Variants in ANGPT2 observed in about 807,000 individuals in gnomAD.
The protein encoded by ANGPT2 is angiopoietin 2.
ANGPT2 carries 28 observed loss-of-function variants against 62.9 expected under a neutral mutation model. That is an observed-to-expected ratio of 0.44 (90% CI 0.33 to 0.61). The LOEUF is 0.61. Ranked by LOEUF, ANGPT2 falls within the 20% of genes least tolerant of loss-of-function variation. The probability of loss-of-function intolerance (pLI) is 0.03; values close to 1 mark genes in which losing one functional copy is unlikely to be tolerated. For missense variants in ANGPT2, 727 were observed against 594.9 expected, an observed-to-expected ratio of 1.22 and a Z score of -2.31; for synonymous variants, 284 against 207.8, an observed-to-expected ratio of 1.37 and a Z score of -3.15.
At chr8:6,554,754 A>G (rs1313786439) in intron 1 of ANGPT2, among the ~76,000 whole-genome samples, 1 of 152,146 alleles carries the variant, frequency 6.6e-6, no homozygotes, top group African/African-American at 2.4e-5. Context: ...GAGCCCTCGG[A>G]GGGAGCGGGA....
At chr8:6,537,380 T>G (rs1586467730) in intron 1 of ANGPT2, among the ~76,000 whole-genome samples, 1 of 152,010 alleles carries the variant, frequency 6.6e-6, no homozygotes, top group South Asian at 2.1e-4. Flanking sequence ...AGAACTCAAG[T>G]GAGTTATGCA....
At chr8:6,509,848 G>A (rs1218205874) in intron 7 of ANGPT2, among the ~76,000 whole-genome samples, 7 of 152,156 alleles carry the variant, frequency 4.6e-5, no homozygotes, top group South Asian at 2.1e-4. Context: ...TTGGCAACAC[G>A]GTGCACGCAG....
rs754213622 is a variant in ANGPT2, at chr8:6,503,081, C to G, written c.*20G>C. The G allele has an allele frequency of 6.2e-7, 1 of 1,613,760 alleles. No individual in the cohort carries two copies. Among genetic ancestry groups the G allele is most frequent in the Non-Finnish European group, 8.5e-7 (1 of 1,179,894 alleles). ...TCTTTGAAAATAGTTCGAGACAGTTCCTCAGGTGGACTGGGATGTTTAGAA... is the reference window on the plus strand; with the variant it reads ...TCTTTGAAAATAGTTCGAGACAGTTGCTCAGGTGGACTGGGATGTTTAGAA... On this transcript the variant is annotated 3_prime_UTR_variant, in exon 9 of 9. Transcript: ENST00000629816.
chr8:6,562,519 C>G, intron 1 of ANGPT2, 128 bp downstream of exon 1: 3 of 811,942 alleles, frequency 3.7e-6, no homozygotes, highest in South Asian at 6.5e-5. Context: ...ACCAGCAACC[C>G]GCTCTCCAGC....
chr8:6,538,337 C>G lies in ANGPT2; in HGVS notation c.289-5850G>C, dbSNP rs73507128. The stretch of plus-strand genomic sequence containing the variant: ...ATCTTCCCGCCCAGGGTCCACTGTC[C>G]TCTCTGTCTCTTGCTGGCCACGCAT... On this transcript the variant is annotated intron_variant, in intron 1 of 8. Transcript: ENST00000629816. Among the ~76,000 whole-genome samples, 428 of 152,324 alleles carry G rather than the reference C, an allele frequency of 2.8e-3. 2 individuals carry two copies. The highest frequency in any genetic ancestry group is 9.8e-3 in the African/African-American group (408 of 41,572).
At position 6,528,852 on chromosome 8, in the gene ANGPT2, C is replaced by T. The variant is rs193293890; in HGVS notation, c.445-1176G>A. ...CCACAGCGTGGGTTTCAGGGATGGT[C>T]TTATCCTTAGAGCTGGTTTAGTTCT... On this transcript the variant is annotated intron_variant, in intron 2 of 8. Coordinates refer to ENST00000629816, the MANE Select transcript of ANGPT2 (RefSeq NM_001118887.2). 3.9e-5 allele frequency among the ~76,000 whole-genome samples: 6 copies of T among 152,348 alleles called. No homozygotes were observed. In the East Asian group the frequency reaches 1.2e-3, roughly 29 times the overall value.
intron 1 of ANGPT2, among the ~76,000 whole-genome samples, chr8:6,556,406 T>G (rs1824613106): frequency 6.6e-6 from 1 of 152,148 alleles, no homozygotes; most frequent in African/African-American, 2.4e-5. Flanking sequence ...TGATTTTCCT[T>G]TTATAAAAGG....
At chr8:6,514,057 G>C (rs563867876) in intron 6 of ANGPT2, among the ~76,000 whole-genome samples, 3 of 152,128 alleles carry the variant, frequency 2.0e-5, no homozygotes, top group Admixed American at 2.0e-4. Context: ...ACTTGTATTA[G>C]GATAATGAGA....
chr8:6,535,416 TA>T (rs1462958787), intron 1 of ANGPT2, among the ~76,000 whole-genome samples: 1 of 152,182 alleles, frequency 6.6e-6, no homozygotes, highest in South Asian at 2.1e-4. Flanking sequence ...TTTCTAAACA[TA>T]AAAACAATAG....
In ANGPT2 at chr8:6,508,913, G is replaced by C; in HGVS notation, c.1327+19C>G. The C allele has an allele frequency of 6.2e-7, 1 of 1,613,918 alleles. No individual in the cohort carries two copies. Among genetic ancestry groups the C allele is most frequent in the Non-Finnish European group, 8.5e-7 (1 of 1,179,964 alleles). Reference sequence around the variant, plus strand: ...CATTCCTTGCCAATACAAATAGGAAGACAGAAAGTCATCCCTACCTCCTGT... The same window carrying C: ...CATTCCTTGCCAATACAAATAGGAACACAGAAAGTCATCCCTACCTCCTGT... On this transcript the variant is annotated intron_variant, in intron 8 of 8. Coordinates refer to ENST00000629816, the MANE Select transcript of ANGPT2 (RefSeq NM_001118887.2).
chr8:6,511,587 C>A (rs1033800257), intron 7 of ANGPT2, among the ~76,000 whole-genome samples: 1 of 152,162 alleles, frequency 6.6e-6, no homozygotes, highest in Non-Finnish European at 1.5e-5. Context: ...ATACAACTGG[C>A]GTCTCAAAGC....
rs1825749781 is a variant in ANGPT2 at position 6,562,729 on chromosome 8, G to A, written c.206C>T (p.Ala69Val). 1.9e-6 allele frequency: 3 copies of A among 1,613,506 alleles called. No individual in the cohort carries two copies. Among genetic ancestry groups the A allele is most frequent in the Non-Finnish European group, 2.5e-6 (3 of 1,179,914 alleles). Residue 69 changes from alanine (A) to valine (V), a missense_variant, in exon 1 of 9, where the codon GCG becomes GTG. Ala to Val is a moderately conservative substitution (Grantham distance 64). Coordinates refer to ENST00000629816, the MANE Select transcript of ANGPT2 (RefSeq NM_001118887.2). ...PYVSNAVQRD[A>V]PLEYDDSVQR... is the part of the protein sequence containing the mutation. ...CACCGAGTCATCGTATTCGAGCGGC[G>A]CGTCCCTCTGCACAGCATTGGACAC...
At chr8:6,528,911 T>A (rs1282333928) in intron 2 of ANGPT2, among the ~76,000 whole-genome samples, 1 of 152,246 alleles carries the variant, frequency 6.6e-6, no homozygotes, top group Non-Finnish European at 1.5e-5. Context: ...AATAAAGTCC[T>A]TGGCCAACGT....
At chr8:6,521,735 G>C (rs1817379310) in intron 3 of ANGPT2, among the ~76,000 whole-genome samples, 1 of 152,218 alleles carries the variant, frequency 6.6e-6, no homozygotes. Flanking sequence ...GAAGAAAGGT[G>C]CTGCTCTTTC....
chr8:6,552,417 T>A (rs998895932), intron 1 of ANGPT2, among the ~76,000 whole-genome samples: 4 of 152,218 alleles, frequency 2.6e-5, no homozygotes, highest in African/African-American at 9.6e-5. Flanking sequence ...ACACTTACGA[T>A]GGTCCTTTTC....
chr8:6,514,919 G>A (rs1220074007), intron 5 of ANGPT2, 141 bp from the exon 6 acceptor site: 9 of 630,250 alleles, frequency 1.4e-5, no homozygotes, highest in African/African-American at 7.2e-5. Context: ...GTAGACCATC[G>A]GGGTTGTCTA....
At chr8:6,530,069 A>G (rs1016297865) in intron 2 of ANGPT2, among the ~76,000 whole-genome samples, 1 of 152,138 alleles carries the variant, frequency 6.6e-6, no homozygotes, top group African/African-American at 2.4e-5. Context: ...ATTTTAAAAT[A>G]TAAGAAATGT....
Position 6,517,877 on chromosome 8 carries a change from A to G in ANGPT2, c.927+1987T>C, listed in dbSNP as rs183113402. On this transcript the variant is annotated intron_variant, in intron 5 of 8. Coordinates refer to ENST00000629816, the MANE Select transcript of ANGPT2 (RefSeq NM_001118887.2). ...TAAGTCTGGAAGGGAATTTAGAAGT[A>G]ACAATTGACACCACTTATTTTTCAA... Among the ~76,000 whole-genome samples the G allele has an allele frequency of 2.3e-3, 353 of 152,340 alleles. 3 individuals are homozygous for G. The highest frequency in any genetic ancestry group is 8.2e-3 in the African/African-American group (340 of 41,578).
At chr8:6,533,287 A>AT (rs1819879351) in intron 1 of ANGPT2, among the ~76,000 whole-genome samples, 1 of 152,236 alleles carries the variant, frequency 6.6e-6, no homozygotes, top group Non-Finnish European at 1.5e-5. Flanking sequence ...TTTCACTGCC[A>AT]TTGGTATAGC....
Sources: gnomAD v4.1 joint callset for allele counts (sites outside exome capture counted in the v4.1 genomes callset) on GRCh38, gnomAD v4.1.1 for gene constraint, MANE v1.5 for transcripts, NCBI Gene and HGNC (gene_info 2026-07-23, HGNC 2026-07-21) for gene names.